HADH: variants seen among roughly 807,000 people sequenced by gnomAD.
The protein encoded by HADH is hydroxyacyl-coenzyme A dehydrogenase, mitochondrial.
Under a neutral mutation model 32.2 loss-of-function variants are expected in HADH, and 24 were observed. That is an observed-to-expected ratio of 0.75 (90% CI 0.54 to 1.05). HADH has a LOEUF of 1.05. Ranked by LOEUF, HADH falls within the 50% of genes least tolerant of loss-of-function variation. The pLI, the probability that HADH is intolerant of heterozygous loss-of-function variation, is 0.00. For missense variants in HADH, 350 were observed against 397.1 expected (o/e 0.88, Z 1.01); for synonymous variants, 139 against 152.5 (o/e 0.91, Z 0.65).
intron 5 of HADH, chr4:108,023,820 A>C (rs1336538954): frequency 2.1e-6 from 1 of 474,652 alleles, no homozygotes; most frequent in Non-Finnish European, 3.9e-6. Context: ...AGCTGAGTAG[A>C]AGACACGGGA....
chr4:107,990,056 A>G lies in HADH; in HGVS notation c.124A>G (p.Ile42Val), dbSNP rs775923392. ...VIGGGLMGAG[I>V]AQVAAATGHT... Reference sequence around the variant, plus strand: ...CGGCGGCGGGCTGATGGGCGCCGGCATTGCCCAGGTGAGCGGCCCTCCCTG... The same window carrying G: ...CGGCGGCGGGCTGATGGGCGCCGGCGTTGCCCAGGTGAGCGGCCCTCCCTG... The change falls in exon 1 of 8, where the codon ATT becomes GTT. Residue 42 changes from isoleucine to valine, a missense_variant. Coordinates refer to ENST00000309522, the MANE Select transcript of HADH (RefSeq NM_005327.7). 2 of 1,609,716 alleles carry G rather than the reference A, an allele frequency of 1.2e-6. No homozygotes were observed. Among genetic ancestry groups the G allele is most frequent in the East Asian group, 4.5e-5 (2 of 44,740 alleles).
chr4:108,026,935 T>A (rs3796939), intron 5 of HADH: 134,004 of 152,546 alleles, frequency 0.88, 59,491 homozygotes, highest in East Asian at 0.98. Context: ...GAGATGATTA[T>A]TGTTAGTTAC....
At chr4:108,028,099 T>G (rs1045000322) in intron 6 of HADH, 1 of 364,462 alleles carries the variant, frequency 2.7e-6, no homozygotes, top group Non-Finnish European at 5.1e-6. Flanking sequence ...AATCATAATG[T>G]AAAAATCACT....
rs1452398618 is a variant in HADH at position 107,989,896 on chromosome 4, G to A, written c.-37G>A. Reference sequence around the variant, plus strand: ...GCTGCCCGCCTCGCGCGTCTTCCCTGCCCGGGTCTCCTCGCTGTCGCCGCC... The same window carrying A: ...GCTGCCCGCCTCGCGCGTCTTCCCTACCCGGGTCTCCTCGCTGTCGCCGCC... On this transcript the variant is annotated 5_prime_UTR_variant, in exon 1 of 8. Transcript: ENST00000309522. 1.9e-6 allele frequency: 3 copies of A among 1,606,134 alleles called. No individual in the cohort carries two copies. The highest frequency in any genetic ancestry group is 2.5e-6 in the Non-Finnish European group (3 of 1,177,638).
intron 1 of HADH, among the ~76,000 whole-genome samples, chr4:108,007,358 C>T (rs1232871303): frequency 2.6e-5 from 4 of 152,172 alleles, no homozygotes; most frequent in South Asian, 2.1e-4. Flanking sequence ...CCGCCTGCCT[C>T]GGCCTCCCAA....
chr4:108,014,447 TGGA>T lies in HADH; in HGVS notation c.280_282del (p.Glu94del). 6.2e-7 allele frequency: 1 copy of T among 1,614,148 alleles called. No individual in the cohort carries two copies. Among genetic ancestry groups the T allele is most frequent in the Non-Finnish European group, 8.5e-7 (1 of 1,180,038 alleles). ...CTGCATTAGGCCGGCGATGAATTTG[TGGA>T]GAAGACCCTGAGCACCATAGCGACC... is the stretch of plus-strand genomic sequence containing the variant. On this transcript the variant is annotated inframe_deletion, in exon 3 of 8. Transcript: ENST00000309522.
At chr4:107,995,222 G>A (rs535404283) in intron 1 of HADH, among the ~76,000 whole-genome samples, 2 of 152,186 alleles carry the variant, frequency 1.3e-5, no homozygotes, top group South Asian at 4.2e-4. Context: ...TCCCTGCCAG[G>A]GTTTAGATGC....
chr4:108,010,102 C>G (rs7435418), intron 2 of HADH, among the ~76,000 whole-genome samples: 1 of 150,976 alleles, frequency 6.6e-6, no homozygotes, highest in South Asian at 2.1e-4. Context: ...AGTAAATAAC[C>G]ATTTTGTTGG....
chr4:108,030,016 A>G (rs1170923627), intron 6 of HADH: 1 of 152,342 alleles, frequency 6.6e-6, no homozygotes, highest in Non-Finnish European at 1.5e-5. Flanking sequence ...GGTGGGGCCA[A>G]ATGGTCAGCT....
intron 5 of HADH, chr4:108,026,274 C>A (rs1736068385): frequency 6.6e-6 from 1 of 152,164 alleles, no homozygotes; most frequent in Non-Finnish European, 1.5e-5. Flanking sequence ...CTCCTGACCT[C>A]ATGATCCTCC....
At position 108,009,897 on chromosome 4, in the gene HADH, T is replaced by A; in HGVS notation, c.261+10T>A. On this transcript the variant is annotated intron_variant, in intron 2 of 7. Coordinates refer to ENST00000309522, the MANE Select transcript of HADH (RefSeq NM_005327.7). ...TGCAGAAAACCTTAAGGTAATTTCT[T>A]ATTATCGATGTCTTCAAGACAAGTC... is the stretch of plus-strand genomic sequence containing the variant. 1 of 1,591,772 alleles carries A rather than the reference T, an allele frequency of 6.3e-7. No homozygotes were observed. The highest frequency in any genetic ancestry group is 2.2e-5 in the East Asian group (1 of 44,742).
At chr4:107,993,253 C>T (rs1471379861) in intron 1 of HADH, among the ~76,000 whole-genome samples, 1 of 152,196 alleles carries the variant, frequency 6.6e-6, no homozygotes, top group Admixed American at 6.5e-5. Context: ...GAATATTGGT[C>T]ATGATTCCCT....
At chr4:107,996,961 G>A (rs576529906) in intron 1 of HADH, among the ~76,000 whole-genome samples, 4 of 151,574 alleles carry the variant, frequency 2.6e-5, no homozygotes, top group Non-Finnish European at 4.4e-5. Flanking sequence ...CAACAGAACA[G>A]CTTTTGCTAA....
intron 1 of HADH, chr4:108,004,938 T>C: frequency 1.1e-5 from 16 of 1,514,476 alleles, no homozygotes; most frequent in Non-Finnish European, 1.4e-5. Context: ...CCTAAACTAG[T>C]ATTCAGGATG....
At chr4:108,005,820 G>C (rs1001993577) in intron 1 of HADH, among the ~76,000 whole-genome samples, 5 of 152,176 alleles carry the variant, frequency 3.3e-5, no homozygotes, top group African/African-American at 1.2e-4. Flanking sequence ...GTTTCAGTTG[G>C]TTGTGGAGTC....
chr4:108,005,141 A>C, intron 1 of HADH: 1 of 342,048 alleles, frequency 2.9e-6, no homozygotes, highest in Middle Eastern at 8.9e-4. Context: ...GATTAAATCA[A>C]GCCATTGTTT....
chr4:108,004,668 G>T, intron 1 of HADH: 1 of 1,521,154 alleles, frequency 6.6e-7, no homozygotes, highest in South Asian at 1.2e-5. Flanking sequence ...TCATAGGAAA[G>T]AGGTTGGCCT....
chr4:108,005,254 T>C (rs116612197), intron 1 of HADH: 2,770 of 180,826 alleles, frequency 0.015, 23 homozygotes, highest in Non-Finnish European at 0.022. Flanking sequence ...TTCTGGATGA[T>C]TTGAATGTTT....
At chr4:108,013,341 G>A (rs1735570907) in intron 2 of HADH, among the ~76,000 whole-genome samples, 1 of 152,144 alleles carries the variant, frequency 6.6e-6, no homozygotes, top group South Asian at 2.1e-4. Flanking sequence ...TGGAGTCTAG[G>A]ACAGAGTGAG....
Sources: gnomAD v4.1 joint callset for allele counts (sites outside exome capture counted in the v4.1 genomes callset) on GRCh38, gnomAD v4.1.1 for gene constraint, MANE v1.5 for transcripts, NCBI Gene and HGNC (gene_info 2026-07-23, HGNC 2026-07-21) for gene names.